Variants in CEMIP2 observed in about 807,000 individuals in gnomAD.
CEMIP2 encodes cell surface hyaluronidase CEMIP2.
CEMIP2 carries 79 observed loss-of-function variants against 146.9 expected under a neutral mutation model. The observed-to-expected ratio is 0.54, with a 90% CI of 0.45 to 0.65. The LOEUF is 0.65. CEMIP2 is among the 30% of genes least tolerant of loss of function. The probability of loss-of-function intolerance (pLI) is 0.00; values close to 1 mark genes in which losing one functional copy is unlikely to be tolerated. For synonymous variants in CEMIP2, 601 were observed against 606.3 expected, an observed-to-expected ratio of 0.99 and a Z score of 0.13; for missense variants, 1,596 against 1,696.2, an observed-to-expected ratio of 0.94 and a Z score of 1.04.
At chr9:71,751,481 G>C (rs1225604224) in intron 1 of CEMIP2, among the ~76,000 whole-genome samples, 1 of 152,132 alleles carries the variant, frequency 6.6e-6, no homozygotes, top group African/African-American at 2.4e-5. Flanking sequence ...AGTATTTGCA[G>C]CTTTTAAATG....
rs71353514 is a variant in CEMIP2 at position 71,735,001 on chromosome 9, C to CA, written c.1205-8dup. On this transcript the variant is annotated splice_region_variant and splice_polypyrimidine_tract_variant and intron_variant, in intron 5 of 23. Transcript: ENST00000377044. ...AATCCTGAAAGAGAAACGCCTAAAC[C>CA]AAAAAAAAAAAAAAGAAAAAGAAAG... 13,117 of 1,461,756 alleles carry CA rather than the reference C, an allele frequency of 9.0e-3. 189 individuals carry two copies. The African/African-American group carries it at 0.11, about 12-fold the overall frequency. The allele number at this position is 1,461,756 out of a possible 1,614,324, so 90.5% of individuals were successfully genotyped here.
In CEMIP2 at chr9:71,718,306, G is replaced by A. The variant is rs11142971; in HGVS notation, c.2268-227C>T. On this transcript the variant is annotated intron_variant, in intron 12 of 23. Transcript: ENST00000377044. ...TTTTACATCTTCTTAGTTTGTTTTT[G>A]AAAAATCAATTAAAATGGACACTGC... is the stretch of plus-strand genomic sequence containing the variant. Among the ~76,000 whole-genome samples, 27 of 152,002 alleles carry A rather than the reference G, an allele frequency of 1.8e-4. No individual in the cohort carries two copies. In the East Asian group the frequency reaches 4.4e-3, roughly 25 times the overall value.
At chr9:71,733,211 C>T (rs1823672984) in intron 6 of CEMIP2, among the ~76,000 whole-genome samples, 1 of 152,130 alleles carries the variant, frequency 6.6e-6, no homozygotes, top group Admixed American at 6.5e-5. Context: ...TTTCTCATTT[C>T]TTATTTTATG....
chr9:71,728,302 C>CGTATATATATATAT (rs1554684803), intron 10 of CEMIP2, among the ~76,000 whole-genome samples: 273 of 11,562 alleles, frequency 0.024, 50 homozygotes, highest in Middle Eastern at 0.094. Context: ...TATATATATA[C>CGTATATATATATAT]ATATATATAT....
chr9:71,732,837 A>G (rs1823660866), intron 6 of CEMIP2, among the ~76,000 whole-genome samples: 1 of 151,360 alleles, frequency 6.6e-6, no homozygotes. Flanking sequence ...CTCCCAACAC[A>G]GGGAATTTAA....
At chr9:71,743,645 C>A (rs1823988907) in intron 4 of CEMIP2, among the ~76,000 whole-genome samples, 1 of 152,158 alleles carries the variant, frequency 6.6e-6, no homozygotes, top group Admixed American at 6.5e-5. Flanking sequence ...CAGCATGTCT[C>A]ACTGTATGAT....
At chr9:71,700,888 C>T (rs1822540474) in intron 18 of CEMIP2, 64 bp from the exon 19 acceptor site, 9 of 1,414,256 alleles carry the variant, frequency 6.4e-6, no homozygotes, top group Admixed American at 5.0e-5. Context: ...AGTACTATAG[C>T]GTATGCAGAT....
intron 7 of CEMIP2, among the ~76,000 whole-genome samples, chr9:71,731,731 C>CAAA (rs35175440): frequency 0.082 from 11,275 of 138,302 alleles, 578 homozygotes; most frequent in African/African-American, 0.1. Flanking sequence ...GACTGTATCT[C>CAAA]AAAAAAAAAA....
rs763129325 is a variant in CEMIP2 at position 71,704,764 on chromosome 9, T to G, written c.3025A>C (p.Thr1009Pro). ...QTWSTQNLSM[T>P]ITRDEYPSNP... ...GACGGATACTCATCTCGTGTAATGG[T>G]CATAGAAAGATTCTGAGTGCTCCAT... The change falls in exon 18 of 24, where the codon ACC (threonine) becomes CCC (proline). Residue 1009 changes from threonine to proline, a missense_variant. Physicochemically the swap from Thr to Pro is conservative, Grantham distance 38 (BLOSUM62 -1). Transcript: ENST00000377044. 6.2e-7 allele frequency: 1 copy of G among 1,614,116 alleles called. No homozygotes were observed.
At chr9:71,728,298 T>A (rs1206214716) in intron 10 of CEMIP2, among the ~76,000 whole-genome samples, 3 of 42,390 alleles carry the variant, frequency 7.1e-5, no homozygotes, top group Non-Finnish European at 1.2e-4. Context: ...TATATATATA[T>A]ATACATATAT....
chr9:71,712,925 T>A (rs1822949912), intron 15 of CEMIP2, among the ~76,000 whole-genome samples: 1 of 152,244 alleles, frequency 6.6e-6, no homozygotes, highest in Non-Finnish European at 1.5e-5. Flanking sequence ...CCTCTCCTAT[T>A]AATTCTTTAA....
At chr9:71,744,921 C>A in intron 4 of CEMIP2, 97 bp downstream of exon 4, 1 of 1,341,426 alleles carries the variant, frequency 7.5e-7, no homozygotes, top group Non-Finnish European at 1.0e-6. Context: ...CTTCTGATGC[C>A]TGAGTCATGC....
chr9:71,734,818 C>A lies in CEMIP2; in HGVS notation c.1381G>T (p.Val461Phe), dbSNP rs766551703. Residue 461 changes from valine (V) to phenylalanine (F), a missense_variant, in exon 6 of 24, where the codon GTC becomes TTC. By Grantham distance (50) the Val-to-Phe change is conservative. Transcript: ENST00000377044. Reference sequence around the variant, plus strand: ...AGCAGTTTAATACCTTTGACTTTGACCTGAAAATGGCTGCATTCAGAACAG... The same window carrying A: ...AGCAGTTTAATACCTTTGACTTTGAACTGAAAATGGCTGCATTCAGAACAG... The part of the protein sequence containing the change: ...LPCSECSHFQ[V>F]KVKETPQFLH... The A allele has an allele frequency of 6.2e-7, 1 of 1,606,926 alleles. No homozygotes were observed. The highest frequency in any genetic ancestry group is 1.1e-5 in the South Asian group (1 of 90,214).
In CEMIP2 at chr9:71,690,081, G is replaced by C; in HGVS notation, c.3851+11C>G. On this transcript the variant is annotated intron_variant, in intron 22 of 23. Transcript: ENST00000377044. ...GTGGCTTTTCCCTGTTACAGCACAA[G>C]CTTGACCTACCTTGGAGGGATGCCT... 2.5e-6 allele frequency: 4 copies of C among 1,613,342 alleles called. No homozygotes were observed. The highest frequency in any genetic ancestry group is 3.4e-6 in the Non-Finnish European group (4 of 1,179,420).
intron 21 of CEMIP2, among the ~76,000 whole-genome samples, chr9:71,691,835 G>A (rs1822235309): frequency 6.6e-6 from 1 of 152,144 alleles, no homozygotes; most frequent in South Asian, 2.1e-4. Flanking sequence ...GCTGGGTGCA[G>A]TGGCTCATGC....
chr9:71,730,351 A>C, intron 8 of CEMIP2, 98 bp from the exon 9 acceptor site: 1 of 1,255,050 alleles, frequency 8.0e-7, no homozygotes, highest in East Asian at 2.5e-5. Context: ...TACAAGTGGA[A>C]AAACAGGTTT....
intron 15 of CEMIP2, 51 bp downstream of exon 15, chr9:71,714,883 G>T: frequency 6.3e-7 from 1 of 1,581,220 alleles, no homozygotes; most frequent in Non-Finnish European, 8.6e-7. Flanking sequence ...TGAGGGTTAG[G>T]TTTTCCTTTA....
intron 6 of CEMIP2, among the ~76,000 whole-genome samples, chr9:71,733,425 A>T (rs1009526303): frequency 2.0e-5 from 3 of 152,304 alleles, no homozygotes; most frequent in Admixed American, 2.0e-4. Context: ...AGATGGTATC[A>T]TAGTTTTGGG....
rs1262567782 is a variant in CEMIP2, at chr9:71,734,851, G to A, written c.1348C>T (p.Leu450Phe). 1 of 1,613,704 alleles carries A rather than the reference G, an allele frequency of 6.2e-7. No homozygotes were observed. Among genetic ancestry groups the A allele is most frequent in the African/African-American group, 1.3e-5 (1 of 74,880 alleles). ...YSMYQAEEFTLLPCSECSHFQ... is the reference protein window; with the variant it reads ...YSMYQAEEFTFLPCSECSHFQ... ...TGGCTGCATTCAGAACAGGGAAGAA[G>A]AGTGAACTCCTCTGCTTGGTACATG... The change falls in exon 6 of 24, where the codon CTT becomes TTT. Residue 450 changes from leucine (L) to phenylalanine (F), a missense_variant. Physicochemically the swap from Leu to Phe is conservative, Grantham distance 22 (BLOSUM62 0). Coordinates refer to ENST00000377044, the MANE Select transcript of CEMIP2 (RefSeq NM_013390.3).
Sources: gnomAD v4.1 joint callset for allele counts (sites outside exome capture counted in the v4.1 genomes callset) on GRCh38, gnomAD v4.1.1 for gene constraint, MANE v1.5 for transcripts, NCBI Gene and HGNC (gene_info 2026-07-23, HGNC 2026-07-21) for gene names.